Variants in MINDY1 observed in about 807,000 individuals in gnomAD.
The protein encoded by MINDY1 is MINDY lysine 48 deubiquitinase 1, also known as ubiquitin carboxyl-terminal hydrolase MINDY-1.
MINDY1 carries 50 observed loss-of-function variants against 53.6 expected under a neutral mutation model. That is an observed-to-expected ratio of 0.93 (90% CI 0.74 to 1.18). The LOEUF (loss-of-function observed/expected upper bound fraction) is 1.18. MINDY1 is among the 50% of genes most tolerant of loss of function. The probability of loss-of-function intolerance (pLI) is 0.00; values close to 1 mark genes in which losing one functional copy is unlikely to be tolerated. For missense variants in MINDY1, 484 were observed against 578.6 expected, an observed-to-expected ratio of 0.84 and a Z score of 1.68; for synonymous variants, 231 against 234.7, an observed-to-expected ratio of 0.98 and a Z score of 0.14.
At chr1:151,003,024 A>T in intron 1 of MINDY1, 1 of 1,033,072 alleles carries the variant, frequency 9.7e-7, no homozygotes, top group Non-Finnish European at 1.2e-6. Flanking sequence ...GGAGAGCACA[A>T]AGGAGAAAGA....
Position 150,999,299 on chromosome 1 carries a change from G to T in MINDY1, c.981+70C>A. 6.3e-7 allele frequency: 1 copy of T among 1,596,594 alleles called. No homozygotes were observed. The highest frequency in any genetic ancestry group is 8.6e-7 in the Non-Finnish European group (1 of 1,168,358). Reference sequence around the variant, plus strand: ...CCACGGCTTAATCTAGCTGATCCCAGCTGGACCCACGAGAAAAAGGCACCA... The same window carrying T: ...CCACGGCTTAATCTAGCTGATCCCATCTGGACCCACGAGAAAAAGGCACCA... On this transcript the variant is annotated intron_variant, in intron 7 of 9. Transcript: ENST00000683666. The surrounding 1 kb of genome is among the most constrained non-coding windows in gnomAD (Gnocchi z 4.4).
Position 151,003,000 on chromosome 1 carries a change from A to G in MINDY1, c.-89-294T>C. 1 of 1,182,060 alleles carries G rather than the reference A, an allele frequency of 8.5e-7. No homozygotes were observed. Among genetic ancestry groups the G allele is most frequent in the Non-Finnish European group, 1.1e-6 (1 of 947,832 alleles). 73.2% of individuals were successfully genotyped at this position (1,182,060 alleles called of 1,614,324 possible). ...CAGATCATGACAGGGAAGGGAGGAA[A>G]GACAGAGAGAAAGGGAGAGCACAAA... On this transcript the variant is annotated intron_variant, in intron 1 of 9. Coordinates refer to ENST00000683666, the MANE Select transcript of MINDY1 (RefSeq NM_001376665.1). This position sits in a 1 kb window ranked among gnomAD's most constrained non-coding sequence, Gnocchi z 4.1.
chr1:151,008,313 C>T, upstream of MINDY1: 1 of 1,300,672 alleles, frequency 7.7e-7, no homozygotes, highest in East Asian at 3.6e-5. Flanking sequence ...AGGGACATTG[C>T]GGAGTTGCGG....
At chr1:150,998,459 A>G (rs1240131485) in intron 7 of MINDY1, among the ~76,000 whole-genome samples, 186 bp from the exon 8 acceptor site, 1 of 152,140 alleles carries the variant, frequency 6.6e-6, no homozygotes, top group African/African-American at 2.4e-5. Context: ...GGTTCACACC[A>G]TTCTCCTGCC....
Position 150,999,588 on chromosome 1 carries a change from C to G in MINDY1, c.839-77G>C, listed in dbSNP as rs1376756376. 26 of 1,578,712 alleles carry G rather than the reference C, an allele frequency of 1.6e-5. No individual in the cohort carries two copies. The East Asian group carries it at 5.8e-4, about 35-fold the overall frequency. ...AACAGGAAGGACCATCCAGAGAGCC[C>G]CTGTCAAAAGCCCCGGGGGGTCAGT... On this transcript the variant is annotated intron_variant, in intron 6 of 9. Transcript: ENST00000683666. This position sits in a 1 kb window ranked among gnomAD's most constrained non-coding sequence, Gnocchi z 4.4.
chr1:151,007,180 T>C (rs973221235), upstream of MINDY1, among the ~76,000 whole-genome samples: 1 of 152,156 alleles, frequency 6.6e-6, no homozygotes, highest in Non-Finnish European at 1.5e-5. Flanking sequence ...ACTGGTTGGG[T>C]TGTGCACCTG....
chr1:150,998,507 A>G (rs1672128801), intron 7 of MINDY1, among the ~76,000 whole-genome samples: 1 of 152,000 alleles, frequency 6.6e-6, no homozygotes, highest in Non-Finnish European at 1.5e-5. Flanking sequence ...GGCACCCGCC[A>G]CCATGCCTGG....
rs781429294 is a variant in MINDY1, at chr1:150,999,992, C to T, written c.736-28G>A. 1 of 1,557,890 alleles carries T rather than the reference C, an allele frequency of 6.4e-7. No individual in the cohort carries two copies. Among genetic ancestry groups the T allele is most frequent in the Non-Finnish European group, 8.8e-7 (1 of 1,135,256 alleles). ...GCTTGGGTAGTGGGATGTGGGATAC[C>T]AAAAAAATTGGGATTTTTTTTTCTT... On this transcript the variant is annotated intron_variant, in intron 5 of 9. Coordinates refer to ENST00000683666, the MANE Select transcript of MINDY1 (RefSeq NM_001376665.1). The surrounding 1 kb of genome is among the most constrained non-coding windows in gnomAD (Gnocchi z 4.4).
In MINDY1 at chr1:150,997,098, G is replaced by A; in HGVS notation, c.*189C>T. On this transcript the variant is annotated 3_prime_UTR_variant, in exon 10 of 10. Transcript: ENST00000683666. ...ATCCTAGTGTTGCCCTGGATGGGAG[G>A]CAGAGAAGGCAGCAGCACGTGAGGT... The A allele has an allele frequency of 1.6e-6, 1 of 630,462 alleles. No homozygotes were observed. Among genetic ancestry groups the A allele is most frequent in the East Asian group, 2.8e-5 (1 of 36,108 alleles). 39.1% of individuals were successfully genotyped at this position (630,462 alleles called of 1,614,324 possible).
chr1:150,997,025 T>C lies in MINDY1; in HGVS notation c.*262A>G, dbSNP rs1364672737. ...TCACCCCAGAGCCTCAGTCTGTACA[T>C]ACGTGTGACTATTCAGGGACCGGGA... On this transcript the variant is annotated 3_prime_UTR_variant, in exon 10 of 10. Transcript: ENST00000683666. 1 of 553,044 alleles carries C rather than the reference T, an allele frequency of 1.8e-6. No homozygotes were observed. Among genetic ancestry groups the C allele is most frequent in the African/African-American group, 1.9e-5 (1 of 52,910 alleles). 34.3% of individuals were successfully genotyped at this position (553,044 alleles called of 1,614,324 possible).
In MINDY1 at chr1:151,001,770, G is replaced by C. The variant is rs952367512; in HGVS notation, c.466C>G (p.Pro156Ala). 3 of 1,599,198 alleles carry C rather than the reference G, an allele frequency of 1.9e-6. No homozygotes were observed. The highest frequency in any genetic ancestry group is 1.7e-6 in the Non-Finnish European group (2 of 1,175,610). ...LFLQWKVKLPPQKEVITSDEL... is the reference protein window; with the variant it reads ...LFLQWKVKLPAQKEVITSDEL... ...TCCGATGTGATCACTTCCTTCTGCG[G>C]GGGGAGCTTCACCTGGAGGCAGAAG... Residue 156 changes from proline to alanine, a missense_variant, in exon 3 of 10, where the codon CCG becomes GCG. By Grantham distance (27) the Pro-to-Ala change is conservative. Coordinates refer to ENST00000683666, the MANE Select transcript of MINDY1 (RefSeq NM_001376665.1).
chr1:151,002,593 G>A lies in MINDY1; in HGVS notation c.25C>T (p.Pro9Ser), dbSNP rs761963907. Residue 9 changes from proline to serine, a missense_variant, in exon 2 of 10, where the codon CCA becomes TCA. By Grantham distance (74) the Pro-to-Ser change is moderately conservative. Transcript: ENST00000683666. The surrounding 1 kb of genome is among the most constrained non-coding windows in gnomAD (Gnocchi z 4.1). MEYHQPED[P>S]APGKAGTAEA... ...GCAGTCCCGGCCTTACCAGGGGCTG[G>A]ATCCTCAGGCTGATGGTATTCCATG... 1.9e-6 allele frequency: 3 copies of A among 1,614,208 alleles called. No homozygotes were observed. The highest frequency in any genetic ancestry group is 2.5e-6 in the Non-Finnish European group (3 of 1,180,034).
rs759655152 is a variant in MINDY1 at position 151,000,577 on chromosome 1, G to A, written c.615C>T (p.Ala205=). ...ATCGCACATTGACATCCAGACCTGT[G>A]GCCAGTTTAGGCAGCACTGTCATTG... ...DDAMTVLPKL[A]TGLDVNVRFT... The change falls in exon 5 of 10, where the codon GCC becomes GCT. Residue 205 remains alanine (A), a synonymous_variant. Transcript: ENST00000683666. 1.3e-5 allele frequency: 21 copies of A among 1,613,532 alleles called. No individual in the cohort carries two copies. The highest frequency in any genetic ancestry group is 1.7e-5 in the Non-Finnish European group (20 of 1,179,890).
rs1279439077 is a variant in MINDY1, at chr1:151,002,714, A to G, written c.-89-8T>C. ...GGGATGCAAAAGAGTGACCTGTCCA[A>G]TAAGAAGGAAATCAGTGGGCTGGAA... On this transcript the variant is annotated splice_polypyrimidine_tract_variant and splice_region_variant and intron_variant, in intron 1 of 9. Coordinates refer to ENST00000683666, the MANE Select transcript of MINDY1 (RefSeq NM_001376665.1). This position sits in a 1 kb window ranked among gnomAD's most constrained non-coding sequence, Gnocchi z 4.1. 4 of 1,576,272 alleles carry G rather than the reference A, an allele frequency of 2.5e-6. No homozygotes were observed. Among genetic ancestry groups the G allele is most frequent in the African/African-American group, 2.7e-5 (2 of 73,462 alleles).
rs759566643 is a variant in MINDY1, at chr1:150,999,517, A to G, written c.839-6T>C. 1 of 1,613,818 alleles carries G rather than the reference A, an allele frequency of 6.2e-7. No homozygotes were observed. The highest frequency in any genetic ancestry group is 8.5e-7 in the Non-Finnish European group (1 of 1,180,006). ...GAACTGCTCTGCAATCAGGCCTGCC[A>G]GAAAGGGACGAGTCGGGGGAAACTT... On this transcript the variant is annotated splice_region_variant and splice_polypyrimidine_tract_variant and intron_variant, in intron 6 of 9. Transcript: ENST00000683666. The surrounding 1 kb of genome is among the most constrained non-coding windows in gnomAD (Gnocchi z 4.4).
At chr1:151,006,217 T>A in intron 1 of MINDY1, 95 bp downstream of exon 1, 3 of 1,544,726 alleles carry the variant, frequency 1.9e-6, no homozygotes, top group Admixed American at 4.0e-5. Context: ...AGACCAAAGG[T>A]GGAAGGACAG....
At chr1:151,000,259 T>C (rs766508980) in intron 5 of MINDY1, among the ~76,000 whole-genome samples, 198 bp downstream of exon 5, 3 of 152,160 alleles carry the variant, frequency 2.0e-5, no homozygotes, top group Non-Finnish European at 2.9e-5. Flanking sequence ...CCTATTTGCA[T>C]GTAGTTTGCT....
chr1:150,999,474 G>A lies in MINDY1; in HGVS notation c.876C>T (p.Ala292=). 1.2e-6 allele frequency: 2 copies of A among 1,614,126 alleles called. No individual in the cohort carries two copies. The highest frequency in any genetic ancestry group is 1.7e-6 in the Non-Finnish European group (2 of 1,180,032). ...CACACAGTCCGTGGTAGGTCAGCTGGGCCGCGGTGGTCTCCAGGAACTGCT... is the reference window on the plus strand; with the variant it reads ...CACACAGTCCGTGGTAGGTCAGCTGAGCCGCGGTGGTCTCCAGGAACTGCT... The part of the protein sequence containing the change: ...IAEQFLETTA[A]QLTYHGLCEL... Residue 292 remains alanine (A), a synonymous_variant, in exon 7 of 10, where the codon GCC becomes GCT. Transcript: ENST00000683666. The surrounding 1 kb of genome is among the most constrained non-coding windows in gnomAD (Gnocchi z 4.4).
chr1:151,007,367 G>T (rs587609921), upstream of MINDY1, among the ~76,000 whole-genome samples: 1 of 152,344 alleles, frequency 6.6e-6, no homozygotes, highest in South Asian at 2.1e-4. Context: ...AGCAGGGCAT[G>T]GTGGCACATG....
Sources: gnomAD v4.1 joint callset for allele counts (sites outside exome capture counted in the v4.1 genomes callset) on GRCh38, gnomAD v4.1.1 for gene constraint, Gnocchi (gnomAD v3.1) non-coding constraint, MANE v1.5 for transcripts, NCBI Gene and HGNC (gene_info 2026-07-23, HGNC 2026-07-21) for gene names.